Variants in CDH12 observed in about 807,000 individuals in gnomAD.
The protein encoded by CDH12 is cadherin 12, also known as cadherin-12.
In CDH12, 41 loss-of-function variants were observed where a neutral mutation model predicts 74.1. The observed-to-expected ratio is 0.55, with a 90% CI of 0.43 to 0.72. The LOEUF is 0.72. Among genes scored for constraint, CDH12 ranks in the 30% least tolerant of loss-of-function variants. The pLI, the probability that CDH12 is intolerant of heterozygous loss-of-function variation, is 0.00. For missense variants in CDH12, 945 were observed against 977.2 expected, an observed-to-expected ratio of 0.97 and a Z score of 0.44; for synonymous variants, 399 against 355.0, an observed-to-expected ratio of 1.12 and a Z score of -1.39.
intron 3 of CDH12, among the ~76,000 whole-genome samples, chr5:22,368,627 AT>A (rs1327776172): frequency 6.6e-6 from 1 of 152,162 alleles, no homozygotes; most frequent in Non-Finnish European, 1.5e-5. Flanking sequence ...TAATTTCACA[AT>A]TCTAAAACAA....
chr5:22,257,166 C>G (rs1416153308), intron 3 of CDH12, among the ~76,000 whole-genome samples: 2 of 152,006 alleles, frequency 1.3e-5, no homozygotes, highest in Non-Finnish European at 2.9e-5. Context: ...ACACTGGGGC[C>G]TTTCAGAAAG....
rs374767646 is a variant in CDH12 at position 22,540,016 on chromosome 5, G to A, written c.-522-34652C>T. Among the ~76,000 whole-genome samples the A allele has an allele frequency of 2.4e-4, 37 of 152,200 alleles. No homozygotes were observed. The East Asian group carries it at 6.2e-3, about 25-fold the overall frequency. On this transcript the variant is annotated intron_variant, in intron 1 of 14. Transcript: ENST00000382254. ...ATTCTGTCAGCACAATTTTCCTATT[G>A]AATGTCAATGAGATGTTCTACTGTG...
intron 1 of CDH12, among the ~76,000 whole-genome samples, chr5:22,654,279 A>ATTTC (rs534997017): frequency 1.9e-5 from 2 of 107,488 alleles, no homozygotes; most frequent in South Asian, 3.0e-4. Context: ...TCTTTTACGT[A>ATTTC]TTTCTTTCTT....
intron 4 of CDH12, among the ~76,000 whole-genome samples, chr5:22,176,158 G>C (rs1470871064): frequency 6.6e-6 from 1 of 151,670 alleles, no homozygotes; most frequent in Non-Finnish European, 1.5e-5. Context: ...GGGGTATTAG[G>C]GTGTGAATGT....
At chr5:22,749,299 C>T in intron 1 of CDH12, among the ~76,000 whole-genome samples, 1 of 152,308 alleles carries the variant, frequency 6.6e-6, no homozygotes, top group East Asian at 1.9e-4. Context: ...CTGAAAGGGA[C>T]ATATGGTCCC....
intron 4 of CDH12, among the ~76,000 whole-genome samples, chr5:22,086,517 TTTTGTTTG>T (rs371758444): frequency 1.5e-3 from 234 of 151,170 alleles, no homozygotes; most frequent in African/African-American, 4.7e-3. Flanking sequence ...CTAATTTGTT[TTTTGTTTG>T]TTTGTTTGTT....
intron 6 of CDH12, among the ~76,000 whole-genome samples, chr5:21,895,105 G>T (rs1476190182): frequency 6.6e-6 from 1 of 151,876 alleles, no homozygotes; most frequent in Non-Finnish European, 1.5e-5. Context: ...AGGCTGTTCA[G>T]CTGCGCTCAC....
At chr5:22,063,612 C>T (rs1157202059) in intron 5 of CDH12, among the ~76,000 whole-genome samples, 1 of 151,820 alleles carries the variant, frequency 6.6e-6, no homozygotes, top group African/African-American at 2.4e-5. Context: ...CTTACTGGGC[C>T]TAGTATTCCT....
intron 1 of CDH12, among the ~76,000 whole-genome samples, chr5:22,552,569 C>T (rs936663034): frequency 4.6e-5 from 7 of 152,024 alleles, no homozygotes; most frequent in Admixed American, 3.9e-4. Context: ...GCTGGAACTA[C>T]AGGCACCAGC....
At chr5:22,717,045 G>A (rs1428543268) in intron 1 of CDH12, among the ~76,000 whole-genome samples, 3 of 152,026 alleles carry the variant, frequency 2.0e-5, no homozygotes, top group Non-Finnish European at 4.4e-5. Context: ...GTAGTTATAG[G>A]AAGCTAAAGT....
chr5:22,112,159 G>T (rs1744852278), intron 4 of CDH12, among the ~76,000 whole-genome samples: 1 of 151,036 alleles, frequency 6.6e-6, no homozygotes, highest in South Asian at 2.1e-4. Context: ...TTTTGTAATT[G>T]AAAAAAAACA....
At chr5:21,868,172 T>TTACCCAGTCTCCAGTA (rs1751431676) in intron 6 of CDH12, among the ~76,000 whole-genome samples, 2 of 135,754 alleles carry the variant, frequency 1.5e-5, no homozygotes, top group African/African-American at 6.0e-5. Context: ...CTTTTGTAAA[T>TTACCCAGTCTCCAGTA]TGCCTCTTTC....
intron 10 of CDH12, among the ~76,000 whole-genome samples, chr5:21,785,138 T>C (rs1746131986): frequency 6.6e-6 from 1 of 152,210 alleles, no homozygotes; most frequent in Non-Finnish European, 1.5e-5. Context: ...TTGATGTTAC[T>C]ATTGAAATTA....
intron 11 of CDH12, among the ~76,000 whole-genome samples, chr5:21,771,922 A>G (rs1745342939): frequency 6.6e-6 from 1 of 152,132 alleles, no homozygotes; most frequent in Non-Finnish European, 1.5e-5. Context: ...TTGGTATCTT[A>G]TTGCTACAAA....
intron 1 of CDH12, among the ~76,000 whole-genome samples, chr5:22,574,506 C>G (rs1031600192): frequency 2.0e-5 from 3 of 152,096 alleles, no homozygotes; most frequent in African/African-American, 4.8e-5. Context: ...AATCAGCAAC[C>G]TATCAAACTT....
chr5:22,263,435 A>G (rs1452804993), intron 3 of CDH12, among the ~76,000 whole-genome samples: 1 of 152,156 alleles, frequency 6.6e-6, no homozygotes, highest in African/African-American at 2.4e-5. Context: ...AGGAGAAGCC[A>G]TTCATATAGA....
At chr5:22,425,332 T>A (rs892265379) in intron 2 of CDH12, among the ~76,000 whole-genome samples, 5 of 151,338 alleles carry the variant, frequency 3.3e-5, no homozygotes, top group African/African-American at 1.2e-4. Flanking sequence ...TTTGTTTACT[T>A]TATCTGGTTT....
At chr5:22,054,934 A>G (rs1056057152) in intron 5 of CDH12, among the ~76,000 whole-genome samples, 4 of 152,202 alleles carry the variant, frequency 2.6e-5, no homozygotes, top group Non-Finnish European at 4.4e-5. Context: ...TAATAGAATT[A>G]TAACAACGTA....
chr5:22,625,541 T>C (rs149207443), intron 1 of CDH12, among the ~76,000 whole-genome samples: 11 of 152,252 alleles, frequency 7.2e-5, no homozygotes, highest in Non-Finnish European at 1.2e-4. Flanking sequence ...TAGTGGAGTA[T>C]GGCCAGGGAG....
Sources: gnomAD v4.1 joint callset for allele counts (sites outside exome capture counted in the v4.1 genomes callset) on GRCh38, gnomAD v4.1.1 for gene constraint, MANE v1.5 for transcripts, NCBI Gene and HGNC (gene_info 2026-07-23, HGNC 2026-07-21) for gene names.